Variants in PLEC observed in about 807,000 individuals in gnomAD.
PLEC encodes the protein hemidesmosomal protein 1.
Under a neutral mutation model 392.8 loss-of-function variants are expected in PLEC, and 216 were observed. That is an observed-to-expected ratio of 0.55 (90% CI 0.49 to 0.62). The LOEUF (loss-of-function observed/expected upper bound fraction) is 0.62, where lower values mean the gene tolerates loss of function less well. Ranked by LOEUF, PLEC falls within the 20% of genes least tolerant of loss-of-function variation. PLEC has a pLI of 0.00. For missense variants in PLEC, 6,863 were observed against 6,563.4 expected (o/e 1.05, Z -1.58); for synonymous variants, 3,621 against 2,980.6 (o/e 1.21, Z -7.00).
At position 143,924,948 on chromosome 8, in the gene PLEC, C is replaced by T. The variant is rs782564689; in HGVS notation, c.4981G>A (p.Glu1661Lys). ...GCCTCCTCCTTCTGCTTCTCAGCCT[C>T]GGCCTGCGCCAGGCTCTTCTGCTGC... ...VAQQKSLAQAEAEKQKEEAER... is the reference protein window; with the variant it reads ...VAQQKSLAQAKAEKQKEEAER... The change falls in exon 31 of 32, where the codon GAG (glutamate) becomes AAG (lysine). Residue 1661 changes from glutamate to lysine, a missense_variant. Coordinates refer to ENST00000345136, the MANE Select transcript of PLEC (RefSeq NM_201384.3). 67 of 1,581,232 alleles carry T rather than the reference C, an allele frequency of 4.2e-5. No individual in the cohort carries two copies. The highest frequency in any genetic ancestry group is 2.9e-4 in the South Asian group (26 of 88,396).
upstream of PLEC, among the ~76,000 whole-genome samples, chr8:143,957,944 A>C (rs572264534): frequency 2.0e-3 from 310 of 152,104 alleles, 3 homozygotes; most frequent in African/African-American, 6.8e-3. Flanking sequence ...GCTGGCAGAT[A>C]CCTCCACCTG....
chr8:143,968,891 C>T (rs1377405642), intron 1 of PLEC, among the ~76,000 whole-genome samples: 1 of 152,154 alleles, frequency 6.6e-6, no homozygotes, highest in Admixed American at 6.5e-5. Context: ...GGAAACCTCG[C>T]ACCCGGCTGT....
At position 143,922,571 on chromosome 8, in the gene PLEC, G is replaced by C. The variant is rs782462440; in HGVS notation, c.7358C>G (p.Ala2453Gly). ...HDAERLREAI[A>G]ELEREKEKLQ... The stretch of plus-strand genomic sequence containing the variant: ...CTTCTCCTTCTCACGCTCCAGCTCA[G>C]CGATGGCCTCCCGCAGGCGCTCGGC... The change falls in exon 31 of 32, where the codon GCT (alanine) becomes GGT (glycine). Residue 2453 changes from alanine (A) to glycine (G), a missense_variant. Ala to Gly is a moderately conservative substitution (Grantham distance 60). Transcript: ENST00000345136. 4.3e-6 allele frequency: 7 copies of C among 1,613,414 alleles called. No homozygotes were observed. Among genetic ancestry groups the C allele is most frequent in the African/African-American group, 1.3e-5 (1 of 74,942 alleles).
rs376227396 is a variant in PLEC, at chr8:143,934,947, C to T, written c.826-18G>A. 50 of 1,610,586 alleles carry T rather than the reference C, an allele frequency of 3.1e-5. No homozygotes were observed. The highest frequency in any genetic ancestry group is 8.3e-5 in the Admixed American group (5 of 59,942). On this transcript the variant is annotated intron_variant, in intron 8 of 31. Transcript: ENST00000345136. ...TGCAGCTCCTGCGGGCAGGCACGGGCGGCTGTCAGGGGTCGTCGGGGCGTC... is the reference window on the plus strand; with the variant it reads ...TGCAGCTCCTGCGGGCAGGCACGGGTGGCTGTCAGGGGTCGTCGGGGCGTC...
chr8:143,933,457 C>T (rs1828012710), intron 12 of PLEC, 106 bp from the exon 13 acceptor site: 2 of 1,303,372 alleles, frequency 1.5e-6, no homozygotes, highest in South Asian at 2.4e-5. Flanking sequence ...CCTCAGTGGG[C>T]CACTGCCTCC....
At chr8:143,945,045 C>T (rs988278466) in intron 1 of PLEC, 3 of 394,484 alleles carry the variant, frequency 7.6e-6, no homozygotes, top group African/African-American at 4.3e-5. Flanking sequence ...CTGCAGGAGG[C>T]GGTGCAGTCC....
intron 7 of PLEC, 30 bp downstream of exon 7, chr8:143,935,168 G>C (rs1429126560): frequency 3.1e-6 from 5 of 1,611,310 alleles, no homozygotes; most frequent in Non-Finnish European, 4.2e-6. Flanking sequence ...AGCAGGGGAA[G>C]GGACAGGGAG....
chr8:143,916,977 C>T lies in PLEC; in HGVS notation c.12844G>A (p.Gly4282Ser). ...TCCAGCGTCTCCGTGTCCAGGATGC[C>T]AGCCACGGGGCCCGTCTCCTCAGTG... ...DPTEETGPVA[G>S]ILDTETLEKV... Residue 4282 changes from glycine to serine, a missense_variant, in exon 32 of 32, where the codon GGC (glycine) becomes AGC (serine). By Grantham distance (56) the Gly-to-Ser change is moderately conservative. Transcript: ENST00000345136. 1 of 1,612,852 alleles carries T rather than the reference C, an allele frequency of 6.2e-7. No homozygotes were observed. Among genetic ancestry groups the T allele is most frequent in the Non-Finnish European group, 8.5e-7 (1 of 1,179,968 alleles).
intron 1 of PLEC, among the ~76,000 whole-genome samples, chr8:143,944,989 G>C (rs1398310475): frequency 6.6e-6 from 1 of 150,554 alleles, no homozygotes; most frequent in Non-Finnish European, 1.5e-5. Context: ...CCCACAGGGG[G>C]TTCTAATATA....
chr8:143,942,267 G>C (rs1294913618), upstream of PLEC: 1 of 1,158,994 alleles, frequency 8.6e-7, no homozygotes, highest in East Asian at 2.5e-5. Flanking sequence ...CGGGGGCAAG[G>C]CTGCACCGGG....
At chr8:143,948,933 A>G (rs746917911) in intron 1 of PLEC, among the ~76,000 whole-genome samples, 1 of 152,216 alleles carries the variant, frequency 6.6e-6, no homozygotes, top group Non-Finnish European at 1.5e-5. Context: ...CTGGCCAAGC[A>G]GTCTTTGTCT....
intron 25 of PLEC, 111 bp from the exon 26 acceptor site, chr8:143,928,103 A>T: frequency 7.4e-7 from 1 of 1,348,828 alleles, no homozygotes; most frequent in Non-Finnish European, 1.0e-6. Flanking sequence ...CCCAGACCCA[A>T]CCCTGGGGGT....
chr8:143,920,879 A>C lies in PLEC; in HGVS notation c.8942T>G (p.Val2981Gly). ...GCTCTCCAGCAGCTCGGCGGCTGGCACCAGGCTGCGCAGGCCCTCAAAGCA... is the reference window on the plus strand; with the variant it reads ...GCTCTCCAGCAGCTCGGCGGCTGGCCCCAGGCTGCGCAGGCCCTCAAAGCA... ...RLCFEGLRSL[V>G]PAAELLESRV... Residue 2981 changes from valine (V) to glycine (G), a missense_variant, in exon 32 of 32, where the codon GTG becomes GGG. Transcript: ENST00000345136. 1 of 1,611,092 alleles carries C rather than the reference A, an allele frequency of 6.2e-7. No individual in the cohort carries two copies. Among genetic ancestry groups the C allele is most frequent in the Non-Finnish European group, 8.5e-7 (1 of 1,179,912 alleles).
chr8:143,950,056 C>A, intron 1 of PLEC: 1 of 1,243,984 alleles, frequency 8.0e-7, no homozygotes. Context: ...GGGCCACCTG[C>A]TGGTGTGAGC....
At chr8:143,922,455 A>T in intron 31 of PLEC, 49 bp downstream of exon 31, 1 of 1,601,162 alleles carries the variant, frequency 6.2e-7, no homozygotes, top group Non-Finnish European at 8.5e-7. Context: ...TCACCCACCA[A>T]AGCAGATCCC....
Position 143,917,853 on chromosome 8 carries a change from C to G in PLEC, c.11968G>C (p.Ala3990Pro). The G allele has an allele frequency of 6.2e-7, 1 of 1,613,278 alleles. No homozygotes were observed. The change falls in exon 32 of 32, where the codon GCT becomes CCT. Residue 3990 changes from alanine (A) to proline (P), a missense_variant. Coordinates refer to ENST00000345136, the MANE Select transcript of PLEC (RefSeq NM_201384.3). Reference sequence around the variant, plus strand: ...GGGCCCACAATGCCCATACGCACAGCCTCCTCCACCGTCAGCTTCAGTCCC... The same window carrying G: ...GGGCCCACAATGCCCATACGCACAGGCTCCTCCACCGTCAGCTTCAGTCCC... ...IKGLKLTVEE[A>P]VRMGIVGPEF...
At position 143,916,917 on chromosome 8, in the gene PLEC, G is replaced by A. The variant is rs1554670447; in HGVS notation, c.12904C>T (p.Leu4302=). 1 of 1,612,836 alleles carries A rather than the reference G, an allele frequency of 6.2e-7. No homozygotes were observed. Among genetic ancestry groups the A allele is most frequent in the African/African-American group, 1.3e-5 (1 of 74,936 alleles). ...VSITEAMHRN[L]VDNITGQRLL... ...CGCTGCCCCGTGATGTTATCCACCAGGTTCCGGTGCATGGCCTCGGTGATG... is the reference window on the plus strand; with the variant it reads ...CGCTGCCCCGTGATGTTATCCACCAAGTTCCGGTGCATGGCCTCGGTGATG... The change falls in exon 32 of 32, where the codon CTG becomes TTG. Residue 4302 remains leucine (L), a synonymous_variant. Transcript: ENST00000345136.
At chr8:143,942,506 C>T, upstream of PLEC, 1 of 1,578,424 alleles carries the variant, frequency 6.3e-7, no homozygotes, top group Middle Eastern at 2.2e-4. Context: ...GCGCCCCCCG[C>T]CCCCGACATG....
In PLEC at chr8:143,920,842, G is replaced by A. The variant is rs782322718; in HGVS notation, c.8979C>T (p.Asp2993=). 6.2e-7 allele frequency: 1 copy of A among 1,609,216 alleles called. No homozygotes were observed. The highest frequency in any genetic ancestry group is 1.7e-5 in the Admixed American group (1 of 59,996). ...GCTGCAGCTGCTGGTAGAGCTCGCGGTCGATGACCCTGCTCTCCAGCAGCT... is the reference window on the plus strand; with the variant it reads ...GCTGCAGCTGCTGGTAGAGCTCGCGATCGATGACCCTGCTCTCCAGCAGCT... The part of the protein sequence containing the change: ...AAELLESRVI[D]RELYQQLQRG... Residue 2993 remains aspartate (D), a synonymous_variant, in exon 32 of 32, where the codon GAC becomes GAT. Transcript: ENST00000345136.
Sources: allele counts gnomAD v4.1 joint callset (sites outside exome capture counted in the v4.1 genomes callset), GRCh38; gene constraint gnomAD v4.1.1; transcripts MANE v1.5; gene names NCBI Gene and HGNC (gene_info 2026-07-23, HGNC 2026-07-21).